MGST2: variants seen among roughly 807,000 people sequenced by gnomAD.
The protein encoded by MGST2 is microsomal glutathione S-transferase 2, also known as glutathione peroxidase MGST2.
MGST2 carries 9 observed loss-of-function variants against 16.6 expected under a neutral mutation model. That is an observed-to-expected ratio of 0.54 (90% CI 0.33 to 0.95). MGST2 has a LOEUF of 0.95. Among genes scored for constraint, MGST2 ranks in the 40% least tolerant of loss-of-function variants. The pLI, the probability that MGST2 is intolerant of heterozygous loss-of-function variation, is 0.03. For synonymous variants in MGST2, 79 were observed against 68.0 expected (o/e 1.16, Z -0.79); for missense variants, 159 against 175.1 (o/e 0.91, Z 0.52).
chr4:139,719,298 T>C (rs752468200), intron 5 of MGST2: 4 of 1,539,186 alleles, frequency 2.6e-6, no homozygotes, highest in South Asian at 1.3e-5. Context: ...ACCACTCGAG[T>C]TGTGGATCTT....
rs747201565 is a variant in MGST2, at chr4:139,678,636, G to A, written c.152G>A (p.Arg51Gln). ...TCACCAGAGTTTGAGAGAGTATTTC[G>A]GGCACAGTAAGTAATGCTTCTTCCA... ...TGSPEFERVF[R>Q]AQQNCVEFYP... is the part of the protein sequence containing the mutation. The change falls in exon 2 of 5, where the codon CGG becomes CAG. Residue 51 changes from arginine (R) to glutamine (Q), a missense_variant. Coordinates refer to ENST00000265498, the MANE Select transcript of MGST2 (RefSeq NM_002413.5). 7 of 1,611,322 alleles carry A rather than the reference G, an allele frequency of 4.3e-6. No individual in the cohort carries two copies. Among genetic ancestry groups the A allele is most frequent in the East Asian group, 2.2e-5 (1 of 44,846 alleles).
chr4:139,730,711 G>A (rs1286603406), intron 5 of MGST2: 1 of 1,551,866 alleles, frequency 6.4e-7, no homozygotes, highest in Admixed American at 1.8e-5. Flanking sequence ...TCCCCATAGA[G>A]ACTCACTGCT....
At chr4:139,703,101 T>C (rs889456418) in intron 3 of MGST2, among the ~76,000 whole-genome samples, 3 of 151,690 alleles carry the variant, frequency 2.0e-5, no homozygotes, top group Admixed American at 2.0e-4. Context: ...AATTTTTGTA[T>C]TTTTAGTAGA....
intron 5 of MGST2, among the ~76,000 whole-genome samples, chr4:139,714,395 A>G (rs1418723945): frequency 1.3e-5 from 2 of 152,158 alleles, no homozygotes; most frequent in African/African-American, 4.8e-5. Context: ...CTGGGAAGAA[A>G]TTCCTACCCT....
the MGST2 span, among the ~76,000 whole-genome samples, chr4:139,748,677 G>A: frequency 1.3e-5 from 2 of 152,256 alleles, no homozygotes; most frequent in East Asian, 3.9e-4. Flanking sequence ...TGTTTCTGGG[G>A]TAAGGAGCAA....
chr4:139,679,759 G>T (rs887158612), intron 2 of MGST2, among the ~76,000 whole-genome samples: 1 of 152,134 alleles, frequency 6.6e-6, no homozygotes, highest in African/African-American at 2.4e-5. Flanking sequence ...ATTGTAAGAG[G>T]TGTGTAGACT....
rs769587151 is a variant in MGST2, at chr4:139,678,569, G to A, written c.85G>A (p.Ala29Thr). Residue 29 changes from alanine (A) to threonine (T), a missense_variant, in exon 2 of 5, where the codon GCA (alanine) becomes ACA (threonine). Transcript: ENST00000265498. ...QSYFALQVGK[A>T]RLKYKVTPPA... ...TTATTTTGCTTTGCAAGTTGGAAAGGCAAGATTAAAATACAAAGTTACGCC... is the reference window on the plus strand; with the variant it reads ...TTATTTTGCTTTGCAAGTTGGAAAGACAAGATTAAAATACAAAGTTACGCC... 3 of 1,614,064 alleles carry A rather than the reference G, an allele frequency of 1.9e-6. No homozygotes were observed. Among genetic ancestry groups the A allele is most frequent in the Non-Finnish European group, 2.5e-6 (3 of 1,179,990 alleles).
At chr4:139,725,604 G>T in intron 5 of MGST2, 1 of 778,708 alleles carries the variant, frequency 1.3e-6, no homozygotes, top group Non-Finnish European at 2.2e-6. Flanking sequence ...CATTCTGATT[G>T]GTTAGTACTC....
At chr4:139,678,521 C>T in intron 1 of MGST2, 22 bp from the exon 2 acceptor site, 2 of 1,593,902 alleles carry the variant, frequency 1.3e-6, no homozygotes, top group African/African-American at 1.3e-5. Flanking sequence ...ATCTTTAACG[C>T]AACATTTCCC....
At chr4:139,722,405 AAGG>A (rs1728272385) in intron 5 of MGST2, among the ~76,000 whole-genome samples, 1 of 152,224 alleles carries the variant, frequency 6.6e-6, no homozygotes, top group Non-Finnish European at 1.5e-5. Flanking sequence ...AGATGTGTCC[AAGG>A]AATTAACTTG....
chr4:139,754,313 TATGGAA>T, the MGST2 span, among the ~76,000 whole-genome samples: 1 of 152,244 alleles, frequency 6.6e-6, no homozygotes, highest in South Asian at 2.1e-4. Context: ...ATTTATCCAC[TATGGAA>T]AATGTGGACA....
chr4:139,740,855 G>T (rs1324411913), downstream of MGST2: 1 of 152,620 alleles, frequency 6.6e-6, no homozygotes, highest in East Asian at 1.9e-4. Flanking sequence ...GCCTTGGGAG[G>T]GGGGCTGAGA....
At chr4:139,680,415 A>C (rs1222907648) in intron 2 of MGST2, among the ~76,000 whole-genome samples, 1 of 152,150 alleles carries the variant, frequency 6.6e-6, no homozygotes, top group Non-Finnish European at 1.5e-5. Flanking sequence ...ATTCAAATGC[A>C]TTAGATAATC....
chr4:139,727,647 T>C (rs1037648550), intron 5 of MGST2, among the ~76,000 whole-genome samples: 6 of 152,230 alleles, frequency 3.9e-5, no homozygotes, highest in Non-Finnish European at 7.3e-5. Flanking sequence ...CCTTTGTGAA[T>C]GGATGAGAGG....
At chr4:139,707,659 T>G (rs1240097481), downstream of MGST2, among the ~76,000 whole-genome samples, 3 of 150,352 alleles carry the variant, frequency 2.0e-5, no homozygotes, top group African/African-American at 4.8e-5. Flanking sequence ...TGAACTAGTT[T>G]ACAGTCCCAC....
downstream of MGST2, among the ~76,000 whole-genome samples, chr4:139,709,031 A>G (rs1727635106): frequency 6.6e-6 from 1 of 151,118 alleles, no homozygotes; most frequent in South Asian, 2.1e-4. Flanking sequence ...AGAAAAAGAA[A>G]AAAACAACTA....
At chr4:139,719,630 T>C (rs773976287) in intron 5 of MGST2, 1 of 1,612,490 alleles carries the variant, frequency 6.2e-7, no homozygotes, top group South Asian at 1.1e-5. Context: ...GGTGCCTTGC[T>C]GCCCCGGGAG....
intron 5 of MGST2, among the ~76,000 whole-genome samples, chr4:139,729,156 C>CA (rs4057275): frequency 0.013 from 1,038 of 81,646 alleles, 9 homozygotes; most frequent in African/African-American, 0.042. Context: ...GGAACAAAAG[C>CA]AAAAAAAAAA....
intron 5 of MGST2, among the ~76,000 whole-genome samples, chr4:139,723,552 A>C (rs1171760925): frequency 6.6e-6 from 1 of 152,068 alleles, no homozygotes; most frequent in African/African-American, 2.4e-5. Flanking sequence ...CCTCAGGTGA[A>C]CTGCCCGCCT....
Sources: allele counts gnomAD v4.1 joint callset (sites outside exome capture counted in the v4.1 genomes callset), GRCh38; gene constraint gnomAD v4.1.1; transcripts MANE v1.5; gene names NCBI Gene and HGNC (gene_info 2026-07-23, HGNC 2026-07-21).